SPMIP3: variants seen among roughly 807,000 people sequenced by gnomAD.
SPMIP3 encodes sperm microtubule inner protein 3.
the SPMIP3 span, among the ~76,000 whole-genome samples, chr1:244,365,516 G>C: frequency 6.6e-6 from 1 of 152,118 alleles, no homozygotes; most frequent in Non-Finnish European, 1.5e-5. Context: ...CTCCCCAGCC[G>C]TGTGGAACTG....
At chr1:244,374,951 T>C in the SPMIP3 span, 1 of 153,664 alleles carries the variant, frequency 6.5e-6, no homozygotes, top group Non-Finnish European at 1.4e-5. Context: ...TTTATTTATT[T>C]ATTTCTTATT....
At chr1:244,387,247 G>A in the SPMIP3 span, among the ~76,000 whole-genome samples, 8 of 151,724 alleles carry the variant, frequency 5.3e-5, no homozygotes, top group East Asian at 5.8e-4. Flanking sequence ...GCAGTGAGCC[G>A]AGATGGCGCC....
chr1:244,378,380 G>A, the SPMIP3 span: 9 of 1,375,280 alleles, frequency 6.5e-6, no homozygotes, highest in African/African-American at 2.9e-5. Flanking sequence ...CCTCACGGCC[G>A]TTTCCAGGGA....
the SPMIP3 span, among the ~76,000 whole-genome samples, chr1:244,362,439 C>T: frequency 6.6e-6 from 1 of 152,138 alleles, no homozygotes; most frequent in African/African-American, 2.4e-5. Flanking sequence ...GAGTAAATAG[C>T]AGTAAAACTC....
At chr1:244,366,829 G>A in the SPMIP3 span, among the ~76,000 whole-genome samples, 2 of 152,100 alleles carry the variant, frequency 1.3e-5, no homozygotes, top group East Asian at 1.9e-4. Flanking sequence ...GCGATGAGCC[G>A]AGATCGCACT....
the SPMIP3 span, among the ~76,000 whole-genome samples, chr1:244,379,216 C>T: frequency 6.6e-6 from 1 of 151,370 alleles, no homozygotes; most frequent in East Asian, 1.9e-4. Context: ...GCTTGAGCCA[C>T]TGCGCCCGGC....
chr1:244,359,650 G>A, the SPMIP3 span, among the ~76,000 whole-genome samples: 1 of 151,900 alleles, frequency 6.6e-6, no homozygotes, highest in African/African-American at 2.4e-5. Context: ...TTAAACACAG[G>A]AGGCGGAGGC....
At chr1:244,354,181 A>G in the SPMIP3 span, among the ~76,000 whole-genome samples, 1 of 67,882 alleles carries the variant, frequency 1.5e-5, no homozygotes, top group African/African-American at 3.8e-5. Flanking sequence ...TACCAGATAC[A>G]TAACATCAAG....
At chr1:244,376,404 G>C in the SPMIP3 span, 2 of 152,170 alleles carry the variant, frequency 1.3e-5, no homozygotes, top group African/African-American at 4.8e-5. Flanking sequence ...TTTAGATTTA[G>C]ATGTTCCTAA....
the SPMIP3 span, among the ~76,000 whole-genome samples, chr1:244,372,088 T>C: frequency 6.6e-6 from 1 of 152,256 alleles, no homozygotes; most frequent in South Asian, 2.1e-4. Flanking sequence ...TACACTCCAC[T>C]CAGAACCTAA....
the SPMIP3 span, among the ~76,000 whole-genome samples, chr1:244,365,406 T>C: frequency 1.3e-5 from 2 of 152,310 alleles, no homozygotes; most frequent in African/African-American, 4.8e-5. Flanking sequence ...CGAGATCTGA[T>C]GGTTTTATAA....
At chr1:244,363,521 A>T in the SPMIP3 span, among the ~76,000 whole-genome samples, 2 of 152,116 alleles carry the variant, frequency 1.3e-5, no homozygotes, top group African/African-American at 4.8e-5. Context: ...TGAATGGCTT[A>T]CAAAAAATCC....
the SPMIP3 span, among the ~76,000 whole-genome samples, chr1:244,360,065 C>T: frequency 6.6e-6 from 1 of 151,968 alleles, no homozygotes. Flanking sequence ...GCCAACATCG[C>T]ACCACTGCAC....
At chr1:244,365,892 G>C in the SPMIP3 span, among the ~76,000 whole-genome samples, 1 of 152,168 alleles carries the variant, frequency 6.6e-6, no homozygotes, top group Non-Finnish European at 1.5e-5. Flanking sequence ...TCTGATGAGA[G>C]CTGACGGCAC....
the SPMIP3 span, among the ~76,000 whole-genome samples, chr1:244,387,071 G>A: frequency 6.2e-4 from 95 of 152,352 alleles, no homozygotes; most frequent in African/African-American, 2.2e-3. Context: ...GGGAGGCCAA[G>A]GTGGGCGGAT....
chr1:244,387,451 G>A, the SPMIP3 span, among the ~76,000 whole-genome samples: 1 of 152,158 alleles, frequency 6.6e-6, no homozygotes, highest in African/African-American at 2.4e-5. Context: ...TAAAATACAA[G>A]GGAACACCAA....
the SPMIP3 span, among the ~76,000 whole-genome samples, chr1:244,388,790 A>C: frequency 6.6e-6 from 1 of 152,134 alleles, no homozygotes; most frequent in Non-Finnish European, 1.5e-5. Context: ...CCAAAGAAAC[A>C]ACCTTTTGAC....
At chr1:244,357,314 A>G in the SPMIP3 span, among the ~76,000 whole-genome samples, 1 of 152,152 alleles carries the variant, frequency 6.6e-6, no homozygotes, top group Non-Finnish European at 1.5e-5. Context: ...AAGCAAAGGC[A>G]GGGAAAAGGA....
the SPMIP3 span, among the ~76,000 whole-genome samples, chr1:244,385,112 C>T: frequency 1.1e-3 from 165 of 152,230 alleles, no homozygotes; most frequent in African/African-American, 3.8e-3. Flanking sequence ...ATCATGGTCT[C>T]GAACTCCTGA....
Sources: allele counts gnomAD v4.1 joint callset (sites outside exome capture counted in the v4.1 genomes callset), GRCh38; gene constraint gnomAD v4.1.1; transcripts MANE v1.5; gene names NCBI Gene and HGNC (gene_info 2026-07-23, HGNC 2026-07-21).